ASCL4: variants seen among roughly 807,000 people sequenced by gnomAD.
ASCL4 encodes the protein achaete-scute family bHLH transcription factor 4, also known as achaete-scute homolog 4.
In ASCL4, 1 loss-of-function variant was observed where a neutral mutation model predicts 0.3. The observed-to-expected ratio is 3.35, with a 90% CI of 1.19 to 15.89. ASCL4 has a LOEUF of 15.89. ASCL4 is among the 30% of genes most tolerant of loss of function. The pLI, the probability that ASCL4 is intolerant of heterozygous loss-of-function variation, is 0.12. For missense variants in ASCL4, 330 were observed against 256.9 expected (o/e 1.28, Z -1.94); for synonymous variants, 137 against 119.5 (o/e 1.15, Z -0.96).
rs992453799 is a variant in ASCL4, at chr12:107,775,821, G to C, written c.*84G>C. 45 of 1,330,376 alleles carry C rather than the reference G, an allele frequency of 3.4e-5. No individual in the cohort carries two copies. The highest frequency in any genetic ancestry group is 4.2e-5 in the Non-Finnish European group (43 of 1,033,882). The allele number at this position is 1,330,376 out of a possible 1,614,324, so 82.4% of individuals were successfully genotyped here. A position where few individuals can be genotyped will look rare whatever the true frequency, so the allele number is the denominator to read the frequency against. On this transcript the variant is annotated 3_prime_UTR_variant, in exon 1 of 1. Transcript: ENST00000342331. ...CAACCTAAGGTCCTCTTCGAAGGTGGTTTGCATTCTTAATCTGGCATCTTC... is the reference window on the plus strand; with the variant it reads ...CAACCTAAGGTCCTCTTCGAAGGTGCTTTGCATTCTTAATCTGGCATCTTC...
rs565285072 is a variant in ASCL4, at chr12:107,775,254, G to C, written c.36G>C (p.Leu12Phe). 1 of 1,612,874 alleles carries C rather than the reference G, an allele frequency of 6.2e-7. No homozygotes were observed. Among genetic ancestry groups the C allele is most frequent in the Non-Finnish European group, 8.5e-7 (1 of 1,179,484 alleles). The change falls in exon 1 of 1, where the codon TTG (leucine) becomes TTC (phenylalanine). Residue 12 changes from leucine (L) to phenylalanine (F), a missense_variant. By Grantham distance (22) the Leu-to-Phe change is conservative. Transcript: ENST00000342331. ...ETRKPAERLA[L>F]PYSLRTAPLG... ...GTAAACCGGCGGAACGGCTGGCCTT[G>C]CCATACTCGCTGCGCACCGCGCCCC...
Position 107,775,259 on chromosome 12 carries a change from A to T in ASCL4, c.41A>T (p.Tyr14Phe), listed in dbSNP as rs757197743. Residue 14 changes from tyrosine to phenylalanine, a missense_variant, in exon 1 of 1, where the codon TAC (tyrosine) becomes TTC (phenylalanine). Transcript: ENST00000342331. ...RKPAERLALP[Y>F]SLRTAPLGVP... Reference sequence around the variant, plus strand: ...CCGGCGGAACGGCTGGCCTTGCCATACTCGCTGCGCACCGCGCCCCTGGGC... The same window carrying T: ...CCGGCGGAACGGCTGGCCTTGCCATTCTCGCTGCGCACCGCGCCCCTGGGC... 1.9e-6 allele frequency: 3 copies of T among 1,612,668 alleles called. No homozygotes were observed.
chr12:107,775,298 TGCCC>T lies in ASCL4; in HGVS notation c.82_85del (p.Pro28AspfsTer60). 1.2e-6 allele frequency: 2 copies of T among 1,611,884 alleles called. No homozygotes were observed. Among genetic ancestry groups the T allele is most frequent in the Non-Finnish European group, 1.7e-6 (2 of 1,179,026 alleles). On this transcript the variant is annotated frameshift_variant, in exon 1 of 1. Transcript: ENST00000342331. LOFTEE classifies it low-confidence loss of function (END_TRUNC). ...GCGCCCCTGGGCGTTCCGGGGACCC[TGCCC>T]GGACTCCCGCGGAGGGACCCCCTCA... is the stretch of plus-strand genomic sequence containing the variant.
rs1891462050 is a variant in ASCL4, at chr12:107,776,380, G to A, written c.*643G>A. 1 of 167,132 alleles carries A rather than the reference G, an allele frequency of 6.0e-6. No homozygotes were observed. Among genetic ancestry groups the A allele is most frequent in the South Asian group, 2.1e-4 (1 of 4,826 alleles). 10.4% of individuals were successfully genotyped at this position (167,132 alleles called of 1,614,324 possible). The stretch of plus-strand genomic sequence containing the variant: ...ATGGTGCCAGGGAATCCGTGGCTTG[G>A]TACACACTGTTTCATCCAGTGGCCA... On this transcript the variant is annotated 3_prime_UTR_variant, in exon 1 of 1. Coordinates refer to ENST00000342331, the MANE Select transcript of ASCL4 (RefSeq NM_203436.3).
At position 107,775,676 on chromosome 12, in the gene ASCL4, G is replaced by A. The variant is rs763240043; in HGVS notation, c.458G>A (p.Gly153Glu). ...PQRRAECNSDGESKASSAPSP... is the reference protein window; with the variant it reads ...PQRRAECNSDEESKASSAPSP... The stretch of plus-strand genomic sequence containing the variant: ...CGCAGGGCGGAATGCAACAGCGACG[G>A]GGAGTCCAAGGCCTCTTCGGCGCCT... The change falls in exon 1 of 1, where the codon GGG becomes GAG. Residue 153 changes from glycine to glutamate, a missense_variant. Coordinates refer to ENST00000342331, the MANE Select transcript of ASCL4 (RefSeq NM_203436.3). 14 of 1,514,146 alleles carry A rather than the reference G, an allele frequency of 9.2e-6. No individual in the cohort carries two copies. In the East Asian group the frequency reaches 1.9e-4, roughly 21 times the overall value. The allele number at this position is 1,514,146 out of a possible 1,614,324, so 93.8% of individuals were successfully genotyped here. A position where few individuals can be genotyped will look rare whatever the true frequency, so the allele number is the denominator to read the frequency against.
rs757003375 is a variant in ASCL4, at chr12:107,775,203, T to C, written c.-16T>C. The C allele has an allele frequency of 1.2e-6, 2 of 1,608,944 alleles. 1 individual carries two copies. The highest frequency in any genetic ancestry group is 2.2e-5 in the South Asian group (2 of 90,550). On this transcript the variant is annotated 5_prime_UTR_variant, in exon 1 of 1. Coordinates refer to ENST00000342331, the MANE Select transcript of ASCL4 (RefSeq NM_203436.3). ...AGATTGACCTCTTGAGTGATTTGTGTGCTTTCCGGCAAATGATGGAGACGC... is the reference window on the plus strand; with the variant it reads ...AGATTGACCTCTTGAGTGATTTGTGCGCTTTCCGGCAAATGATGGAGACGC...
Position 107,776,026 on chromosome 12 carries a change from C to G in ASCL4, c.*289C>G. Reference sequence around the variant, plus strand: ...AATGCAAACTGTTTCAGATTCTGAGCACCTCATTGTAAATACGATTATTCT... The same window carrying G: ...AATGCAAACTGTTTCAGATTCTGAGGACCTCATTGTAAATACGATTATTCT... On this transcript the variant is annotated 3_prime_UTR_variant, in exon 1 of 1. Transcript: ENST00000342331. 1 of 337,840 alleles carries G rather than the reference C, an allele frequency of 3.0e-6. No individual in the cohort carries two copies. Among genetic ancestry groups the G allele is most frequent in the Admixed American group, 4.9e-5 (1 of 20,226 alleles). The allele number at this position is 337,840 out of a possible 1,614,324, so 20.9% of individuals were successfully genotyped here. A position where few individuals can be genotyped will look rare whatever the true frequency, so the allele number is the denominator to read the frequency against.
rs868854362 is a variant in ASCL4 at position 107,775,511 on chromosome 12, A to C, written c.293A>C (p.His98Pro). 5.7e-6 allele frequency: 9 copies of C among 1,571,600 alleles called. No homozygotes were observed. Among genetic ancestry groups the C allele is most frequent in the Non-Finnish European group, 7.7e-6 (9 of 1,167,384 alleles). The change falls in exon 1 of 1, where the codon CAC (histidine) becomes CCC (proline). Residue 98 changes from histidine (H) to proline (P), a missense_variant. Coordinates refer to ENST00000342331, the MANE Select transcript of ASCL4 (RefSeq NM_203436.3). ...VNEGYARLRD[H>P]LPRELADKRL... ...GAGGGCTATGCGCGCCTCCGAGACC[A>C]CCTGCCCCGGGAGCTGGCAGACAAG...
At position 107,775,750 on chromosome 12, in the gene ASCL4, C is replaced by A. The variant is rs761255031; in HGVS notation, c.*13C>A. On this transcript the variant is annotated 3_prime_UTR_variant, in exon 1 of 1. Transcript: ENST00000342331. ...GGGGGGCAGCTAGCGAGCGCCCGAA[C>A]TGGCCAGGACCCCCGCGCCCGCCGC... 6.9e-5 allele frequency: 97 copies of A among 1,411,266 alleles called. No individual in the cohort carries two copies. The highest frequency in any genetic ancestry group is 8.7e-5 in the Non-Finnish European group (95 of 1,089,088). 87.4% of individuals were successfully genotyped at this position (1,411,266 alleles called of 1,614,324 possible). A position where few individuals can be genotyped will look rare whatever the true frequency, so the allele number is the denominator to read the frequency against.
In ASCL4 at chr12:107,775,716, G is replaced by T. The variant is rs1593185434; in HGVS notation, c.498G>T (p.Glu166Asp). 2.1e-6 allele frequency: 3 copies of T among 1,451,062 alleles called. No individual in the cohort carries two copies. Among genetic ancestry groups the T allele is most frequent in the East Asian group, 5.3e-5 (2 of 38,074 alleles). The allele number at this position is 1,451,062 out of a possible 1,614,324, so 89.9% of individuals were successfully genotyped here. A position where few individuals can be genotyped will look rare whatever the true frequency, so the allele number is the denominator to read the frequency against. The stretch of plus-strand genomic sequence containing the variant: ...CTTCGGCGCCTTCGCCCAGCAGCGA[G>T]CCCGAGGAGGGGGGCAGCTAGCGAG... ...KASSAPSPSS[E>D]PEEGGS is the part of the protein sequence containing the mutation. The change falls in exon 1 of 1, where the codon GAG becomes GAT. Residue 166 changes from glutamate (E) to aspartate (D), a missense_variant. By Grantham distance (45) the Glu-to-Asp change is conservative (BLOSUM62 2). Coordinates refer to ENST00000342331, the MANE Select transcript of ASCL4 (RefSeq NM_203436.3).
chr12:107,775,060 C>A lies in ASCL4; in HGVS notation c.-159C>A. 1 of 858,548 alleles carries A rather than the reference C, an allele frequency of 1.2e-6. No individual in the cohort carries two copies. The highest frequency in any genetic ancestry group is 1.8e-6 in the Non-Finnish European group (1 of 557,314). The allele number at this position is 858,548 out of a possible 1,614,324, so 53.2% of individuals were successfully genotyped here. On this transcript the variant is annotated 5_prime_UTR_variant, in exon 1 of 1. Coordinates refer to ENST00000342331, the MANE Select transcript of ASCL4 (RefSeq NM_203436.3). Reference sequence around the variant, plus strand: ...GGAATCATGCACCGTTTCCCTGAAGCCTGTCCAGGAACCTAACTTCTGGAC... The same window carrying A: ...GGAATCATGCACCGTTTCCCTGAAGACTGTCCAGGAACCTAACTTCTGGAC...
Position 107,775,459 on chromosome 12 carries a change from G to A in ASCL4, c.241G>A (p.Glu81Lys). The A allele has an allele frequency of 6.4e-7, 1 of 1,564,990 alleles. No individual in the cohort carries two copies. Among genetic ancestry groups the A allele is most frequent in the Non-Finnish European group, 8.6e-7 (1 of 1,163,656 alleles). ...PAFLRKRNERERQRVRCVNEG... is the reference protein window; with the variant it reads ...PAFLRKRNERKRQRVRCVNEG... ...CTTCCTCCGCAAGCGCAACGAGCGC[G>A]AGCGGCAGCGGGTGCGCTGCGTGAA... is the stretch of plus-strand genomic sequence containing the variant. The change falls in exon 1 of 1, where the codon GAG becomes AAG. Residue 81 changes from glutamate to lysine, a missense_variant. By Grantham distance (56) the Glu-to-Lys change is moderately conservative. Transcript: ENST00000342331.
In ASCL4 at chr12:107,775,346, A is replaced by G. The variant is rs746396988; in HGVS notation, c.128A>G (p.Asp43Gly). ...CCCCTCAGGGTCGCCCTGCGTCTGG[A>G]CGCCGCGTGCTGGGAGTGGGCGCGC... is the stretch of plus-strand genomic sequence containing the variant. ...RDPLRVALRL[D>G]AACWEWARSG... The change falls in exon 1 of 1, where the codon GAC (aspartate) becomes GGC (glycine). Residue 43 changes from aspartate (D) to glycine (G), a missense_variant. Transcript: ENST00000342331. 7 of 1,608,430 alleles carry G rather than the reference A, an allele frequency of 4.4e-6. No homozygotes were observed. In the South Asian group the frequency reaches 6.6e-5, roughly 15 times the overall value.
chr12:107,775,200 G>T lies in ASCL4; in HGVS notation c.-19G>T, dbSNP rs764074005. On this transcript the variant is annotated 5_prime_UTR_variant, in exon 1 of 1. Transcript: ENST00000342331. The stretch of plus-strand genomic sequence containing the variant: ...GAGAGATTGACCTCTTGAGTGATTT[G>T]TGTGCTTTCCGGCAAATGATGGAGA... The T allele has an allele frequency of 6.2e-7, 1 of 1,608,416 alleles. No individual in the cohort carries two copies. Among genetic ancestry groups the T allele is most frequent in the Non-Finnish European group, 8.5e-7 (1 of 1,177,166 alleles).
In ASCL4 at chr12:107,775,051, T is replaced by G; in HGVS notation, c.-168T>G. On this transcript the variant is annotated 5_prime_UTR_variant, in exon 1 of 1. Transcript: ENST00000342331. ...TGAACTTCAGGAATCATGCACCGTT[T>G]CCCTGAAGCCTGTCCAGGAACCTAA... 1 of 780,438 alleles carries G rather than the reference T, an allele frequency of 1.3e-6. No individual in the cohort carries two copies. The highest frequency in any genetic ancestry group is 2.0e-6 in the Non-Finnish European group (1 of 493,600). The allele number at this position is 780,438 out of a possible 1,614,324, so 48.3% of individuals were successfully genotyped here.
Position 107,775,211 on chromosome 12 carries a change from G to C in ASCL4, c.-8G>C. On this transcript the variant is annotated 5_prime_UTR_variant, in exon 1 of 1. Transcript: ENST00000342331. Reference sequence around the variant, plus strand: ...CTCTTGAGTGATTTGTGTGCTTTCCGGCAAATGATGGAGACGCGTAAACCG... The same window carrying C: ...CTCTTGAGTGATTTGTGTGCTTTCCCGCAAATGATGGAGACGCGTAAACCG... 1 of 1,609,378 alleles carries C rather than the reference G, an allele frequency of 6.2e-7. No homozygotes were observed. Among genetic ancestry groups the C allele is most frequent in the Non-Finnish European group, 8.5e-7 (1 of 1,177,730 alleles).
In ASCL4 at chr12:107,775,374, C is replaced by T. The variant is rs1891442040; in HGVS notation, c.156C>T (p.Ser52=). ...CCGCGTGCTGGGAGTGGGCGCGCAG[C>T]GGCTGCGCACGGGGATGGCAGTACT... The part of the protein sequence containing the change: ...LDAACWEWAR[S]GCARGWQYLP... Residue 52 remains serine (S), a synonymous_variant, in exon 1 of 1, where the codon AGC becomes AGT. Transcript: ENST00000342331. 2.5e-6 allele frequency: 4 copies of T among 1,601,994 alleles called. No homozygotes were observed. The highest frequency in any genetic ancestry group is 3.4e-6 in the Non-Finnish European group (4 of 1,175,140).
Position 107,774,912 on chromosome 12 carries a change from G to C in ASCL4, c.-307G>C. On this transcript the variant is annotated 5_prime_UTR_variant, in exon 1 of 1. Coordinates refer to ENST00000342331, the MANE Select transcript of ASCL4 (RefSeq NM_203436.3). ...GGGACCAGGCAGAGGAACCCCCTTT[G>C]TTATCTTCTGAAAGAAGATCAGTGG... 2.5e-6 allele frequency: 1 copy of C among 398,200 alleles called. No individual in the cohort carries two copies. Among genetic ancestry groups the C allele is most frequent in the Non-Finnish European group, 4.5e-6 (1 of 224,032 alleles). 24.7% of individuals were successfully genotyped at this position (398,200 alleles called of 1,614,324 possible). A position where few individuals can be genotyped will look rare whatever the true frequency, so the allele number is the denominator to read the frequency against.
Position 107,775,421 on chromosome 12 carries a change from C to T in ASCL4, c.203C>T (p.Ala68Val). Reference protein sequence around the residue: ...WQYLPVPLDSAFEPAFLRKRN... With the variant: ...WQYLPVPLDSVFEPAFLRKRN... ...TACTTGCCCGTGCCGCTGGACAGCG[C>T]CTTCGAGCCCGCCTTCCTCCGCAAG... Residue 68 changes from alanine (A) to valine (V), a missense_variant, in exon 1 of 1, where the codon GCC becomes GTC. By Grantham distance (64) the Ala-to-Val change is moderately conservative. Coordinates refer to ENST00000342331, the MANE Select transcript of ASCL4 (RefSeq NM_203436.3). 6.3e-7 allele frequency: 1 copy of T among 1,574,886 alleles called. No homozygotes were observed.
Sources: allele counts gnomAD v4.1 joint callset, GRCh38; gene constraint gnomAD v4.1.1; transcripts MANE v1.5; gene names NCBI Gene and HGNC (gene_info 2026-07-23, HGNC 2026-07-21).